Variants in PLCL2 observed in about 807,000 individuals in gnomAD.
PLCL2 encodes the protein inactive phospholipase C-like protein 2.
Under a neutral mutation model 79.6 loss-of-function variants are expected in PLCL2, and 4 were observed. The ratio of observed to expected loss-of-function variants is 0.05; its 90% CI spans 0.02 to 0.11. The LOEUF (loss-of-function observed/expected upper bound fraction) is 0.11, where lower values mean the gene tolerates loss of function less well. Ranked by LOEUF, PLCL2 falls within the 10% of genes least tolerant of loss-of-function variation. The pLI is 1.00. For missense variants in PLCL2, 895 were observed against 1,291.0 expected, an observed-to-expected ratio of 0.69 and a Z score of 4.70; for synonymous variants, 484 against 457.7, an observed-to-expected ratio of 1.06 and a Z score of -0.73.
At chr3:16,895,529 A>G (rs1229990673) in intron 1 of PLCL2, among the ~76,000 whole-genome samples, 2 of 152,160 alleles carry the variant, frequency 1.3e-5, no homozygotes, top group African/African-American at 2.4e-5. Context: ...CCATTTATGT[A>G]TGGGTCTGTT....
intron 1 of PLCL2, among the ~76,000 whole-genome samples, chr3:16,892,065 G>A (rs1696364596): frequency 6.6e-6 from 1 of 152,196 alleles, no homozygotes; most frequent in African/African-American, 2.4e-5. Context: ...GTTTAAGTAT[G>A]TATTTGTTGA....
At chr3:16,917,078 T>C (rs1697014036) in intron 1 of PLCL2, among the ~76,000 whole-genome samples, 2 of 152,188 alleles carry the variant, frequency 1.3e-5, no homozygotes, top group South Asian at 4.1e-4. Flanking sequence ...GCCCAGCCTT[T>C]TCCTGGTACT....
At chr3:16,916,114 A>G (rs1346033995) in intron 1 of PLCL2, among the ~76,000 whole-genome samples, 1 of 152,208 alleles carries the variant, frequency 6.6e-6, no homozygotes, top group African/African-American at 2.4e-5. Context: ...TGCAGACGAC[A>G]GCCGACTTTA....
At chr3:17,025,161 T>C (rs1446388787) in intron 3 of PLCL2, among the ~76,000 whole-genome samples, 1 of 152,170 alleles carries the variant, frequency 6.6e-6, no homozygotes, top group Non-Finnish European at 1.5e-5. Flanking sequence ...CAGGTTAGAG[T>C]TTAGAAAGTG....
At chr3:17,032,292 T>C (rs2064592198) in intron 3 of PLCL2, among the ~76,000 whole-genome samples, 1 of 152,140 alleles carries the variant, frequency 6.6e-6, no homozygotes, top group African/African-American at 2.4e-5. Context: ...TAAATCTCAA[T>C]CTAGAAATAG....
At chr3:17,015,624 GT>G (rs150939083) in intron 3 of PLCL2, among the ~76,000 whole-genome samples, 4,372 of 152,172 alleles carry the variant, frequency 0.029, 235 homozygotes, top group African/African-American at 0.1. Context: ...AGGGTTAAGG[GT>G]TGGTGTTGGA....
intron 1 of PLCL2, among the ~76,000 whole-genome samples, chr3:16,899,642 T>C (rs1460490406): frequency 6.6e-6 from 1 of 152,132 alleles, no homozygotes. Flanking sequence ...TTCTTGTATG[T>C]CTTTTCGGGA....
chr3:17,075,826 A>T (rs539465465), intron 5 of PLCL2, among the ~76,000 whole-genome samples: 36 of 152,340 alleles, frequency 2.4e-4, no homozygotes, highest in African/African-American at 7.5e-4. Flanking sequence ...CTTTTGAGTC[A>T]TACAAGTTAA....
rs943181510 is a variant in PLCL2, at chr3:17,035,064, A to G, written c.3019-7810A>G. On this transcript the variant is annotated intron_variant, in intron 3 of 5. Transcript: ENST00000615277. ...CATGCAACATTCATTCATCTTTAAA[A>G]TTTCTCCCTCAGAAATGTAGACATT... Among the ~76,000 whole-genome samples the G allele has an allele frequency of 3.9e-5, 6 of 152,080 alleles. No individual in the cohort carries two copies. The East Asian group carries it at 1.2e-3, about 29-fold the overall frequency.
At chr3:17,004,671 A>T (rs2064243522) in intron 1 of PLCL2, among the ~76,000 whole-genome samples, 1 of 152,134 alleles carries the variant, frequency 6.6e-6, no homozygotes. Flanking sequence ...GGTAGCCCTT[A>T]TGTGCCTGGC....
At chr3:17,070,317 A>G (rs1002770596) in intron 5 of PLCL2, among the ~76,000 whole-genome samples, 8 of 152,232 alleles carry the variant, frequency 5.3e-5, no homozygotes, top group African/African-American at 1.9e-4. Flanking sequence ...TGATGCACAT[A>G]TTAATGAAAA....
chr3:16,999,951 C>A (rs1413182288), intron 1 of PLCL2, among the ~76,000 whole-genome samples: 1 of 152,106 alleles, frequency 6.6e-6, no homozygotes, highest in Non-Finnish European at 1.5e-5. Flanking sequence ...TTGACATTTT[C>A]TCTTAGGAAG....
At chr3:16,934,432 G>A (rs146626739) in intron 1 of PLCL2, among the ~76,000 whole-genome samples, 3 of 152,290 alleles carry the variant, frequency 2.0e-5, no homozygotes, top group Non-Finnish European at 4.4e-5. Flanking sequence ...ACACCAGCAT[G>A]CCCAGAGATC....
chr3:17,034,881 C>T (rs1442447590), intron 3 of PLCL2, among the ~76,000 whole-genome samples: 1 of 143,664 alleles, frequency 7.0e-6, no homozygotes, highest in Non-Finnish European at 1.5e-5. Flanking sequence ...ATGACCAGAT[C>T]CGCAGCTTCC....
chr3:17,012,545 A>G (rs1237428402), intron 2 of PLCL2, among the ~76,000 whole-genome samples: 1 of 152,246 alleles, frequency 6.6e-6, no homozygotes, highest in Non-Finnish European at 1.5e-5. Context: ...AGGTCAAAGT[A>G]AAATGGATGT....
chr3:17,032,832 A>G (rs1020178525), intron 3 of PLCL2, among the ~76,000 whole-genome samples: 1 of 152,176 alleles, frequency 6.6e-6, no homozygotes, highest in Non-Finnish European at 1.5e-5. Context: ...TATGATAAGC[A>G]TATGCCTGTA....
intron 1 of PLCL2, among the ~76,000 whole-genome samples, chr3:16,940,009 G>A (rs1697640386): frequency 6.6e-6 from 1 of 152,138 alleles, no homozygotes; most frequent in African/African-American, 2.4e-5. Flanking sequence ...TGAGACAGTG[G>A]CATTCAAAGC....
At chr3:16,946,982 G>A (rs1372358542) in intron 1 of PLCL2, among the ~76,000 whole-genome samples, 1 of 80,744 alleles carries the variant, frequency 1.2e-5, no homozygotes, top group African/African-American at 5.6e-5. Flanking sequence ...TTGAGACAGA[G>A]TTTTGCTCTG....
At position 16,937,467 on chromosome 3, in the gene PLCL2, G is replaced by A. The variant is rs566609658; in HGVS notation, c.327+52101G>A. Among the ~76,000 whole-genome samples the A allele has an allele frequency of 1.9e-3, 286 of 152,246 alleles. 10 individuals are homozygous for A. Among genetic ancestry groups the A allele is most frequent in the Admixed American group, 2.7e-3 (42 of 15,286 alleles). On this transcript the variant is annotated intron_variant, in intron 1 of 5. Coordinates refer to ENST00000615277, the MANE Select transcript of PLCL2 (RefSeq NM_001144382.2). ...GGTATTTCTATGGTGAGTCAGTTAT[G>A]GTTGTTAAATTTAGTTATTTGCTGT...
Sources: gnomAD v4.1 joint callset for allele counts (sites outside exome capture counted in the v4.1 genomes callset) on GRCh38, gnomAD v4.1.1 for gene constraint, MANE v1.5 for transcripts, NCBI Gene and HGNC (gene_info 2026-07-23, HGNC 2026-07-21) for gene names.